The following ROS1 variants were observed in gnomAD, a reference collection of about 807,000 sequenced individuals.
ROS1 encodes proto-oncogene tyrosine-protein kinase ROS.
In ROS1, 263 loss-of-function variants were observed where a neutral mutation model predicts 273.5. The ratio of observed to expected loss-of-function variants is 0.96; its 90% CI spans 0.87 to 1.06. The LOEUF is 1.06. ROS1 is among the 50% of genes least tolerant of loss of function. The pLI is 0.00. For missense variants in ROS1, 2,833 were observed against 2,751.1 expected (o/e 1.03, Z -0.67); for synonymous variants, 1,008 against 954.1 (o/e 1.06, Z -1.04).
At chr6:117,288,832 C>A (rs1243357681) in intron 43 of ROS1, 30 bp from the exon 44 acceptor site, 2 of 1,510,896 alleles carry the variant, frequency 1.3e-6, no homozygotes, top group Non-Finnish European at 1.8e-6. Flanking sequence ...GTTATTCTAG[C>A]ATGTATTTAA....
intron 17 of ROS1, among the ~76,000 whole-genome samples, chr6:117,382,614 T>G (rs1325344387): frequency 1.3e-5 from 2 of 152,092 alleles, no homozygotes; most frequent in East Asian, 3.9e-4. Flanking sequence ...GGATACCTAG[T>G]GGGTAGCTAA....
intron 32 of ROS1, among the ~76,000 whole-genome samples, chr6:117,335,672 T>C (rs575521837): frequency 6.6e-6 from 1 of 152,260 alleles, no homozygotes; most frequent in South Asian, 2.1e-4. Context: ...AGGAATGAGA[T>C]CATGTCCTTT....
chr6:117,376,073 G>T (rs1781308326), intron 18 of ROS1, among the ~76,000 whole-genome samples: 1 of 151,616 alleles, frequency 6.6e-6, no homozygotes, highest in Non-Finnish European at 1.5e-5. Context: ...ATAAAAAATG[G>T]ACAATCAGAA....
intron 12 of ROS1, among the ~76,000 whole-genome samples, chr6:117,391,369 C>T (rs1773050817): frequency 6.6e-6 from 1 of 151,736 alleles, no homozygotes; most frequent in South Asian, 2.1e-4. Context: ...TATATTGAAG[C>T]AGGGAGGAAG....
chr6:117,341,445 A>T lies in ROS1; in HGVS notation c.4839T>A (p.Thr1613=), dbSNP rs766949677. The change falls in exon 30 of 44, where the codon ACT becomes ACA. Residue 1613 remains threonine, a synonymous_variant. Transcript: ENST00000368507. ...RQSEFPNGRL[T]LLVTRLSGGN... ...CACCAGACAGTCTAGTAACAAGGAGAGTGAGCCTTCCATTTGGAAATTCAC... is the reference window on the plus strand; with the variant it reads ...CACCAGACAGTCTAGTAACAAGGAGTGTGAGCCTTCCATTTGGAAATTCAC... 6.2e-7 allele frequency: 1 copy of T among 1,613,864 alleles called. No individual in the cohort carries two copies. The highest frequency in any genetic ancestry group is 8.5e-7 in the Non-Finnish European group (1 of 1,179,800).
At chr6:117,390,269 C>T (rs1249944154) in intron 12 of ROS1, among the ~76,000 whole-genome samples, 1 of 152,228 alleles carries the variant, frequency 6.6e-6, no homozygotes, top group Admixed American at 6.5e-5. Context: ...GCTGGGACCA[C>T]AGGCTTGCCA....
chr6:117,425,787 A>G lies in ROS1; in HGVS notation c.-131T>C, dbSNP rs1396993268. ...TTTGCTTTGTTTGTTTTGCTATATTAGGATATACTTGCCTTTTGAAATAAT... is the reference window on the plus strand; with the variant it reads ...TTTGCTTTGTTTGTTTTGCTATATTGGGATATACTTGCCTTTTGAAATAAT... On this transcript the variant is annotated 5_prime_UTR_variant, in exon 1 of 44. Transcript: ENST00000368507. The G allele has an allele frequency of 6.4e-6, 6 of 932,258 alleles. No individual in the cohort carries two copies. Among genetic ancestry groups the G allele is most frequent in the Non-Finnish European group, 9.9e-6 (6 of 606,710 alleles). 57.7% of individuals were successfully genotyped at this position (932,258 alleles called of 1,614,324 possible). A position where few individuals can be genotyped will look rare whatever the true frequency, so the allele number is the denominator to read the frequency against.
Position 117,331,476 on chromosome 6 carries a change from C to T in ROS1, c.5231-2030G>A, listed in dbSNP as rs367939433. ...AGCAAGACAGGCCAACATGCAAATT[C>T]GGCAAACACAGAGAACACCATTAAG... On this transcript the variant is annotated intron_variant, in intron 32 of 43. Coordinates refer to ENST00000368507, the MANE Select transcript of ROS1 (RefSeq NM_001378902.1). Among the ~76,000 whole-genome samples, 38 of 152,198 alleles carry T rather than the reference C, an allele frequency of 2.5e-4. No individual in the cohort carries two copies. The South Asian group carries it at 5.6e-3, about 22-fold the overall frequency.
In ROS1 at chr6:117,415,200, C is replaced by T. The variant is rs570749150; in HGVS notation, c.229-655G>A. ...AGAAATATTTAATAGCCACTAAGTCCAGATAGCACATGCTGTACCTTTTGG... is the reference window on the plus strand; with the variant it reads ...AGAAATATTTAATAGCCACTAAGTCTAGATAGCACATGCTGTACCTTTTGG... On this transcript the variant is annotated intron_variant, in intron 3 of 43. Transcript: ENST00000368507. Among the ~76,000 whole-genome samples, 6 of 152,286 alleles carry T rather than the reference C, an allele frequency of 3.9e-5. No homozygotes were observed. The South Asian group carries it at 1.0e-3, about 26-fold the overall frequency.
chr6:117,399,168 T>C (rs1234032195), intron 7 of ROS1, among the ~76,000 whole-genome samples: 1 of 152,208 alleles, frequency 6.6e-6, no homozygotes, highest in Non-Finnish European at 1.5e-5. Context: ...ACAGAGGGTA[T>C]GTGAGCTTGC....
At chr6:117,301,979 A>T (rs1334235673) in intron 42 of ROS1, among the ~76,000 whole-genome samples, 2 of 152,168 alleles carry the variant, frequency 1.3e-5, no homozygotes, top group African/African-American at 4.8e-5. Context: ...GATGTTGGAC[A>T]CTTGTTTTAT....
rs78504359 is a variant in ROS1 at position 117,354,395 on chromosome 6, C to T, written c.4127-1229G>A. Among the ~76,000 whole-genome samples the T allele has an allele frequency of 1.5e-3, 230 of 151,826 alleles. 1 individual carries two copies. The highest frequency in any genetic ancestry group is 5.3e-3 in the African/African-American group (218 of 41,398). On this transcript the variant is annotated intron_variant, in intron 26 of 43. Transcript: ENST00000368507. The stretch of plus-strand genomic sequence containing the variant: ...TTACAATGAGCTACAACAGTTATCT[C>T]TACATAGTTGAATGGCTATCATGTG...
chr6:117,379,400 T>C (rs1771929042), intron 17 of ROS1, among the ~76,000 whole-genome samples: 1 of 152,204 alleles, frequency 6.6e-6, no homozygotes, highest in Non-Finnish European at 1.5e-5. Flanking sequence ...TTCACTTTTA[T>C]ATACTTAGCT....
chr6:117,351,491 A>C (rs1010788649), intron 27 of ROS1, among the ~76,000 whole-genome samples: 2 of 152,202 alleles, frequency 1.3e-5, no homozygotes, highest in South Asian at 4.1e-4. Context: ...TAAAACTTAT[A>C]AAATGAAGCC....
At chr6:117,378,893 C>T (rs373822087) in intron 18 of ROS1, among the ~76,000 whole-genome samples, 166 bp downstream of exon 18, 1 of 152,202 alleles carries the variant, frequency 6.6e-6, no homozygotes, top group African/African-American at 2.4e-5. Flanking sequence ...CCATATTCTA[C>T]TGTAACTAGT....
rs1778998500 is a variant in ROS1 at position 117,352,980 on chromosome 6, A to G, written c.4303+10T>C. 1 of 1,609,192 alleles carries G rather than the reference A, an allele frequency of 6.2e-7. No individual in the cohort carries two copies. The highest frequency in any genetic ancestry group is 1.1e-5 in the South Asian group (1 of 90,116). On this transcript the variant is annotated intron_variant, in intron 27 of 43. Coordinates refer to ENST00000368507, the MANE Select transcript of ROS1 (RefSeq NM_001378902.1). ...GGAGAACAAGCTGATTACGAATGTGACTTTATTACCTGGAAAAGGCTGCAT... is the reference window on the plus strand; with the variant it reads ...GGAGAACAAGCTGATTACGAATGTGGCTTTATTACCTGGAAAAGGCTGCAT...
At chr6:117,335,236 A>G (rs1288858064) in intron 32 of ROS1, among the ~76,000 whole-genome samples, 2 of 152,220 alleles carry the variant, frequency 1.3e-5, no homozygotes, top group East Asian at 1.9e-4. Flanking sequence ...AACGTATGAA[A>G]AAAGCTCAAC....
chr6:117,346,123 G>C (rs1360346339), intron 27 of ROS1, among the ~76,000 whole-genome samples: 3 of 152,262 alleles, frequency 2.0e-5, no homozygotes, highest in African/African-American at 7.2e-5. Context: ...ATACACATGT[G>C]AGCAATCAGA....
chr6:117,369,663 A>G (rs572230579), intron 18 of ROS1, among the ~76,000 whole-genome samples: 2 of 152,266 alleles, frequency 1.3e-5, no homozygotes, highest in East Asian at 1.9e-4. Context: ...TGCTTTGAAC[A>G]TTGTCTATGT....
Sources: gnomAD v4.1 joint callset for allele counts (sites outside exome capture counted in the v4.1 genomes callset) on GRCh38, gnomAD v4.1.1 for gene constraint, MANE v1.5 for transcripts, NCBI Gene and HGNC (gene_info 2026-07-23, HGNC 2026-07-21) for gene names.